Variants in DLG2 observed in about 807,000 individuals in gnomAD.
DLG2 encodes discs large MAGUK scaffold protein 2.
DLG2 carries 45 observed loss-of-function variants against 132.5 expected under a neutral mutation model. The observed-to-expected ratio is 0.34, with a 90% CI of 0.27 to 0.44. The LOEUF (loss-of-function observed/expected upper bound fraction) is 0.44. DLG2 is among the 20% of genes least tolerant of loss of function. The pLI, the probability that DLG2 is intolerant of heterozygous loss-of-function variation, is 1.00. For synonymous variants in DLG2, 424 were observed against 419.6 expected, an observed-to-expected ratio of 1.01 and a Z score of -0.13; for missense variants, 1,045 against 1,196.9, an observed-to-expected ratio of 0.87 and a Z score of 1.87.
chr11:85,201,204 C>G (rs1237416633), intron 4 of DLG2, among the ~76,000 whole-genome samples: 1 of 152,200 alleles, frequency 6.6e-6, no homozygotes, highest in African/African-American at 2.4e-5. Flanking sequence ...TCAGATCAGG[C>G]CCCACCCACT....
intron 6 of DLG2, among the ~76,000 whole-genome samples, chr11:84,913,481 AC>A (rs1486689859): frequency 6.6e-6 from 1 of 152,200 alleles, no homozygotes; most frequent in African/African-American, 2.4e-5. Context: ...GTCCCTGCTT[AC>A]CTGTATTTAT....
intron 10 of DLG2, among the ~76,000 whole-genome samples, chr11:84,093,188 GGCT>G (rs1471092174): frequency 6.6e-6 from 1 of 152,110 alleles, no homozygotes; most frequent in Non-Finnish European, 1.5e-5. Context: ...GTTCTCACAA[GGCT>G]GTATCAAGAT....
chr11:85,142,130 G>A (rs936135101), intron 5 of DLG2, among the ~76,000 whole-genome samples: 5 of 151,684 alleles, frequency 3.3e-5, no homozygotes, highest in Non-Finnish European at 5.9e-5. Flanking sequence ...TTCACTGAAC[G>A]TGTAGATTGC....
At chr11:84,314,594 AT>A (rs2098335597) in intron 7 of DLG2, among the ~76,000 whole-genome samples, 2 of 152,176 alleles carry the variant, frequency 1.3e-5, no homozygotes, top group South Asian at 4.1e-4. Context: ...TAAAATTTAC[AT>A]GAAAAAATAC....
chr11:83,555,389 A>G (rs2096494528), intron 19 of DLG2, among the ~76,000 whole-genome samples: 1 of 152,224 alleles, frequency 6.6e-6, no homozygotes, highest in African/African-American at 2.4e-5. Flanking sequence ...TTTAGGGTGG[A>G]GAATGGATTG....
chr11:84,867,718 C>T (rs553857303), intron 6 of DLG2, among the ~76,000 whole-genome samples: 1 of 152,128 alleles, frequency 6.6e-6, no homozygotes. Context: ...GCTGACAAAT[C>T]CTGAGAATGT....
intron 6 of DLG2, among the ~76,000 whole-genome samples, chr11:84,896,491 G>A (rs1468873088): frequency 6.6e-6 from 1 of 152,070 alleles, no homozygotes; most frequent in Non-Finnish European, 1.5e-5. Context: ...CATTTAACAA[G>A]TATTTACTGA....
At chr11:83,983,591 G>A (rs543107884) in intron 11 of DLG2, among the ~76,000 whole-genome samples, 5 of 151,954 alleles carry the variant, frequency 3.3e-5, no homozygotes, top group Non-Finnish European at 5.9e-5. Flanking sequence ...TGCAATGATC[G>A]TTAAATTAAC....
At chr11:85,472,240 G>C (rs1165702174) in intron 3 of DLG2, among the ~76,000 whole-genome samples, 1 of 152,034 alleles carries the variant, frequency 6.6e-6, no homozygotes, top group East Asian at 1.9e-4. Flanking sequence ...CCACATGCTG[G>C]GACTACCTGC....
intron 3 of DLG2, chr11:85,469,269 G>T (rs2092908628): frequency 6.6e-6 from 1 of 152,128 alleles, no homozygotes; most frequent in South Asian, 2.1e-4. Context: ...CACTTTATTG[G>T]TCTCCTTGCT....
rs147438223 is a variant in DLG2, at chr11:85,602,411, CTTTG to C, written c.-92-3627_-92-3624del. On this transcript the variant is annotated intron_variant, in intron 2 of 27. Transcript: ENST00000376104. ...TCTTTTTTTTCTTTTTTCTTTCTGTCTTTGTTTGTTTGTTTTGTTTTTTGTTTTC... is the reference window on the plus strand; with the variant it reads ...TCTTTTTTTTCTTTTTTCTTTCTGTCTTTGTTTGTTTTGTTTTTTGTTTTC... 3.7e-3 allele frequency among the ~76,000 whole-genome samples: 557 copies of C among 151,778 alleles called. 4 individuals carry two copies. The highest frequency in any genetic ancestry group is 7.7e-3 in the African/African-American group (320 of 41,382).
At chr11:85,427,507 T>C (rs1353612011) in intron 3 of DLG2, among the ~76,000 whole-genome samples, 1 of 152,208 alleles carries the variant, frequency 6.6e-6, no homozygotes, top group Non-Finnish European at 1.5e-5. Flanking sequence ...CAATCCAGAA[T>C]TTCATATCCA....
At chr11:84,294,889 C>G (rs879700415) in intron 7 of DLG2, among the ~76,000 whole-genome samples, 1 of 151,786 alleles carries the variant, frequency 6.6e-6, no homozygotes, top group Admixed American at 6.6e-5. Flanking sequence ...ACACATTTAC[C>G]CCAATAAAAT....
chr11:83,504,488 C>T (rs903703711), intron 21 of DLG2, among the ~76,000 whole-genome samples: 7 of 152,174 alleles, frequency 4.6e-5, no homozygotes, highest in Admixed American at 4.6e-4. Flanking sequence ...TCAGTCACCC[C>T]AGCCAACACT....
chr11:83,661,410 T>G (rs1476762287), intron 18 of DLG2, among the ~76,000 whole-genome samples: 5 of 152,124 alleles, frequency 3.3e-5, no homozygotes, highest in Non-Finnish European at 7.4e-5. Context: ...AAAAATAAAT[T>G]GAAATAACAA....
intron 3 of DLG2, among the ~76,000 whole-genome samples, chr11:85,580,293 T>C (rs539975636): frequency 1.9e-4 from 29 of 152,282 alleles, no homozygotes; most frequent in Admixed American, 1.6e-3. Context: ...ACAAGAACTG[T>C]GGCTTTATGT....
At chr11:83,602,676 T>C (rs2058739889) in intron 19 of DLG2, among the ~76,000 whole-genome samples, 1 of 152,184 alleles carries the variant, frequency 6.6e-6, no homozygotes, top group South Asian at 2.1e-4. Context: ...GCTGTTTTGA[T>C]TCACAGCACA....
intron 8 of DLG2, among the ~76,000 whole-genome samples, chr11:84,211,436 G>T (rs71469640): frequency 1.1e-4 from 16 of 152,022 alleles, no homozygotes; most frequent in African/African-American, 3.4e-4. Context: ...AGAGAGATTG[G>T]GTCTTACTAT....
At chr11:84,920,637 T>C (rs955450575) in intron 6 of DLG2, among the ~76,000 whole-genome samples, 5 of 152,168 alleles carry the variant, frequency 3.3e-5, no homozygotes, top group African/African-American at 9.7e-5. Flanking sequence ...GCATAAATCA[T>C]AGATGTCATT....
Sources: gnomAD v4.1 joint callset for allele counts (sites outside exome capture counted in the v4.1 genomes callset) on GRCh38, gnomAD v4.1.1 for gene constraint, MANE v1.5 for transcripts, NCBI Gene and HGNC (gene_info 2026-07-23, HGNC 2026-07-21) for gene names.